The following AATK variants were observed in gnomAD, a reference collection of about 807,000 sequenced individuals.
The protein encoded by AATK is lemur tail kinase 1, also known as serine/threonine-protein kinase LMTK1.
Under a neutral mutation model 114.3 loss-of-function variants are expected in AATK, and 91 were observed. That is an observed-to-expected ratio of 0.80 (90% CI 0.67 to 0.95). The LOEUF (loss-of-function observed/expected upper bound fraction) is 0.95. Among genes scored for constraint, AATK ranks in the 40% least tolerant of loss-of-function variants. The pLI is 0.00. For missense variants in AATK, 2,176 were observed against 1,965.2 expected, an observed-to-expected ratio of 1.11 and a Z score of -2.03; for synonymous variants, 1,075 against 916.5, an observed-to-expected ratio of 1.17 and a Z score of -3.12.
chr17:81,165,180 A>C (rs1163114068), intron 1 of AATK, among the ~76,000 whole-genome samples: 1 of 152,206 alleles, frequency 6.6e-6, no homozygotes. Flanking sequence ...GGTTTTAGAA[A>C]GCCCACTGCT....
chr17:81,158,727 T>C (rs894958471), intron 1 of AATK, among the ~76,000 whole-genome samples: 1 of 152,152 alleles, frequency 6.6e-6, no homozygotes. Flanking sequence ...GCTCCTGACA[T>C]CTTTCGCCAC....
intron 9 of AATK, among the ~76,000 whole-genome samples, chr17:81,123,937 C>T (rs1415043581): frequency 3.9e-5 from 6 of 152,164 alleles, no homozygotes; most frequent in East Asian, 3.9e-4. Context: ...TTTGGCAAGA[C>T]GTCACCATGA....
In AATK at chr17:81,124,931, C is replaced by G. The variant is rs71373062; in HGVS notation, c.839G>C (p.Arg280Thr). 2 of 1,550,588 alleles carry G rather than the reference C, an allele frequency of 1.3e-6. No homozygotes were observed. The highest frequency in any genetic ancestry group is 2.3e-5 in the East Asian group (1 of 42,714). ...CCCAGCCCACCCCACCCCACTCACT[C>G]TGTACTTGCAGTGAGCCAGGCCATA... is the stretch of plus-strand genomic sequence containing the variant. ...GDYGLAHCKY[R>T]EDYFVTADQL... The change falls in exon 8 of 14, where the codon AGA becomes ACA. Residue 280 changes from arginine (R) to threonine (T), a missense_variant and splice_region_variant. By Grantham distance (71) the Arg-to-Thr change is moderately conservative. Around this residue, in one of 4 missense-constraint regions of AATK, gnomAD observed 273 missense variants for 344.1 expected, o/e 0.79. Coordinates refer to ENST00000326724, the MANE Select transcript of AATK (RefSeq NM_001080395.3).
intron 1 of AATK, among the ~76,000 whole-genome samples, chr17:81,136,985 C>T (rs1244401374): frequency 1.3e-5 from 2 of 152,126 alleles, no homozygotes; most frequent in African/African-American, 4.8e-5. Context: ...TTGCCGGGCG[C>T]GGTGGCTCAT....
chr17:81,123,060 G>A (rs2060721544), intron 10 of AATK, 134 bp downstream of exon 10: 2 of 1,087,206 alleles, frequency 1.8e-6, no homozygotes, highest in African/African-American at 3.3e-5. Flanking sequence ...GGTGGCGGGT[G>A]GAGGCCCTAC....
chr17:81,131,314 G>A (rs2060927495), intron 2 of AATK, 109 bp from the exon 3 acceptor site: 1 of 1,397,398 alleles, frequency 7.2e-7, no homozygotes, highest in South Asian at 1.5e-5. Flanking sequence ...GGCAGGGCAG[G>A]AGGGGGTGCT....
rs1053690790 is a variant in AATK, at chr17:81,118,109, T to G, written c.*293A>C. ...GCCGTGCCCAGGGGCACTGGCCCCT[T>G]TTGAGTGTGTATGTGTGTACAGACA... is the stretch of plus-strand genomic sequence containing the variant. On this transcript the variant is annotated 3_prime_UTR_variant, in exon 14 of 14. Coordinates refer to ENST00000326724, the MANE Select transcript of AATK (RefSeq NM_001080395.3). 1.4e-5 allele frequency: 5 copies of G among 367,596 alleles called. No homozygotes were observed. Among genetic ancestry groups the G allele is most frequent in the Non-Finnish European group, 2.0e-5 (4 of 201,132 alleles). The allele number at this position is 367,596 out of a possible 1,614,324, so 22.8% of individuals were successfully genotyped here. A position where few individuals can be genotyped will look rare whatever the true frequency, so the allele number is the denominator to read the frequency against.
At chr17:81,157,512 C>A (rs1473145224) in intron 1 of AATK, among the ~76,000 whole-genome samples, 1 of 152,164 alleles carries the variant, frequency 6.6e-6, no homozygotes, top group Non-Finnish European at 1.5e-5. Context: ...GGGTTACCAC[C>A]CCAGCATCTC....
chr17:81,145,625 C>T (rs148790631), intron 1 of AATK, among the ~76,000 whole-genome samples: 11 of 149,844 alleles, frequency 7.3e-5, no homozygotes, highest in African/African-American at 2.2e-4. Flanking sequence ...CCTAGCTACT[C>T]GGGAGGCTGA....
At chr17:81,143,215 C>G (rs1029359958) in intron 1 of AATK, among the ~76,000 whole-genome samples, 1 of 151,450 alleles carries the variant, frequency 6.6e-6, no homozygotes, top group Non-Finnish European at 1.5e-5. Flanking sequence ...ACCCCCGCAA[C>G]GTGCACACGT....
Position 81,120,255 on chromosome 17 carries a change from G to A in AATK, c.3681C>T (p.Arg1227=). The A allele has an allele frequency of 2.5e-6, 4 of 1,597,690 alleles. No individual in the cohort carries two copies. The highest frequency in any genetic ancestry group is 1.3e-5 in the African/African-American group (1 of 74,766). ...CGAAGAAGGACACGGCCTTCTTCTT[G>A]CGTTCCAGGTCCTCGCAGAAGGTCT... is the stretch of plus-strand genomic sequence containing the variant. ...LSETFCEDLE[R]KKKAVSFFDD... is the part of the protein sequence containing the mutation. The change falls in exon 11 of 14, where the codon CGC becomes CGT. Residue 1227 remains arginine (R), a synonymous_variant. Coordinates refer to ENST00000326724, the MANE Select transcript of AATK (RefSeq NM_001080395.3).
intron 1 of AATK, among the ~76,000 whole-genome samples, chr17:81,145,244 A>AG (rs1567822415): frequency 1.4e-4 from 12 of 87,004 alleles, no homozygotes; most frequent in Non-Finnish European, 2.3e-4. Context: ...CAAAAAAAAA[A>AG]AAAAAAGAAA....
intron 1 of AATK, among the ~76,000 whole-genome samples, chr17:81,153,000 G>A (rs148008401): frequency 7.9e-5 from 12 of 152,088 alleles, no homozygotes; most frequent in Admixed American, 2.0e-4. Flanking sequence ...CCACCACCAC[G>A]CTCAGCTAAT....
intron 1 of AATK, among the ~76,000 whole-genome samples, chr17:81,141,939 C>A: frequency 8.0e-6 from 1 of 124,662 alleles, no homozygotes; most frequent in Non-Finnish European, 1.7e-5. Context: ...TTCCTTCCTT[C>A]CTTCCTTCCT....
intron 1 of AATK, chr17:81,165,684 G>A (rs2061479674): frequency 2.6e-6 from 4 of 1,513,320 alleles, no homozygotes; most frequent in Non-Finnish European, 3.5e-6. Flanking sequence ...CCAGTTACCT[G>A]TGCCCTGGAG....
In AATK at chr17:81,131,881, C is replaced by T. The variant is rs1174002125; in HGVS notation, c.190-676G>A. The T allele has an allele frequency of 3.0e-6, 4 of 1,319,840 alleles. No homozygotes were observed. In the Admixed American group the frequency reaches 8.7e-5, roughly 29 times the overall value. 81.8% of individuals were successfully genotyped at this position (1,319,840 alleles called of 1,614,324 possible). On this transcript the variant is annotated intron_variant, in intron 2 of 13. Transcript: ENST00000326724. Reference sequence around the variant, plus strand: ...CTGGGAGCCCAGAGCCAACCGGCCACCTTTACCCTGGGCAGCCCACCTGCC... The same window carrying T: ...CTGGGAGCCCAGAGCCAACCGGCCATCTTTACCCTGGGCAGCCCACCTGCC...
At position 81,122,448 on chromosome 17, in the gene AATK, A is replaced by C. The variant is rs987978486; in HGVS notation, c.1488T>G (p.Pro496=). ...GAEAFPATLS[P]GRTARLQELC... ...GCTCCTGCAGGCGTGCGGTGCGGCCAGGGCTCAGCGTGGCCGGGAAGGCCT... is the reference window on the plus strand; with the variant it reads ...GCTCCTGCAGGCGTGCGGTGCGGCCCGGGCTCAGCGTGGCCGGGAAGGCCT... The change falls in exon 11 of 14, where the codon CCT becomes CCG. Residue 496 remains proline (P), a synonymous_variant. Transcript: ENST00000326724. The C allele has an allele frequency of 6.9e-7, 1 of 1,455,404 alleles. No individual in the cohort carries two copies. The highest frequency in any genetic ancestry group is 9.1e-7 in the Non-Finnish European group (1 of 1,102,634). 90.2% of individuals were successfully genotyped at this position (1,455,404 alleles called of 1,614,324 possible). A position where few individuals can be genotyped will look rare whatever the true frequency, so the allele number is the denominator to read the frequency against.
rs774489936 is a variant in AATK, at chr17:81,122,745, G to A, written c.1191C>T (p.Tyr397=). 3.8e-6 allele frequency: 6 copies of A among 1,599,574 alleles called. No homozygotes were observed. Among genetic ancestry groups the A allele is most frequent in the Middle Eastern group, 3.3e-4 (2 of 6,042 alleles). The part of the protein sequence containing the change: ...TAEEVHLLLS[Y]LCAKGATEAE... ...CTTCGGTGGCGCCCTTGGCACACAG[G>A]TAGGACAGCAGCAGGTGCACCTCCT... Residue 397 remains tyrosine (Y), a synonymous_variant, in exon 11 of 14, where the codon TAC becomes TAT. Coordinates refer to ENST00000326724, the MANE Select transcript of AATK (RefSeq NM_001080395.3).
chr17:81,133,104 G>A (rs1242696031), intron 2 of AATK: 4 of 393,100 alleles, frequency 1.0e-5, no homozygotes, highest in African/African-American at 4.3e-5. Context: ...ACATCCCAGA[G>A]CAGGGTGGGG....
Sources: allele counts gnomAD v4.1 joint callset (sites outside exome capture counted in the v4.1 genomes callset), GRCh38; gene constraint gnomAD v4.1.1; regional missense constraint gnomAD v4.1.1; transcripts MANE v1.5; gene names NCBI Gene and HGNC (gene_info 2026-07-23, HGNC 2026-07-21).